PDZD2: variants seen among roughly 807,000 people sequenced by gnomAD.
PDZD2 encodes PDZ domain containing 2.
Under a neutral mutation model 220.7 loss-of-function variants are expected in PDZD2, and 90 were observed. The ratio of observed to expected loss-of-function variants is 0.41; its 90% CI spans 0.34 to 0.49. The LOEUF is 0.49. Among genes scored for constraint, PDZD2 ranks in the 20% least tolerant of loss-of-function variants. The pLI, the probability that PDZD2 is intolerant of heterozygous loss-of-function variation, is 0.28. For missense variants in PDZD2, 3,174 were observed against 3,608.5 expected (o/e 0.88, Z 3.08); for synonymous variants, 1,375 against 1,450.5 (o/e 0.95, Z 1.18).
At chr5:31,711,556 G>A (rs6894170) in intron 1 of PDZD2, among the ~76,000 whole-genome samples, 56,209 of 152,072 alleles carry the variant, frequency 0.37, 10,656 homozygotes, top group African/African-American at 0.47. Context: ...GTGCAGAGAG[G>A]TGGAGGGAGG....
At position 32,108,790 on chromosome 5, in the gene PDZD2, C is replaced by CAA. The variant is rs1335091987; in HGVS notation, c.*657_*658dup. On this transcript the variant is annotated 3_prime_UTR_variant, in exon 25 of 25. Coordinates refer to ENST00000438447, the MANE Select transcript of PDZD2 (RefSeq NM_178140.4). ...GAGTGTAATGTATAATGTACGTATGCAAAGTTCAACTCAATAGGTTATTGA... is the reference window on the plus strand; with the variant it reads ...GAGTGTAATGTATAATGTACGTATGCAAAAAGTTCAACTCAATAGGTTATTGA... 1.3e-5 allele frequency: 2 copies of CAA among 152,604 alleles called. No individual in the cohort carries two copies. The highest frequency in any genetic ancestry group is 4.8e-5 in the African/African-American group (2 of 41,430). 9.5% of individuals were successfully genotyped at this position (152,604 alleles called of 1,614,324 possible). A position where few individuals can be genotyped will look rare whatever the true frequency, so the allele number is the denominator to read the frequency against.
At chr5:31,892,985 G>A (rs756663255) in intron 2 of PDZD2, among the ~76,000 whole-genome samples, 2 of 152,222 alleles carry the variant, frequency 1.3e-5, no homozygotes, top group African/African-American at 4.8e-5. Flanking sequence ...CGTGGGAGGA[G>A]CAATGGAGAG....
At chr5:32,092,477 C>T (rs1205522737) in intron 20 of PDZD2, among the ~76,000 whole-genome samples, 1 of 151,946 alleles carries the variant, frequency 6.6e-6, no homozygotes, top group African/African-American at 2.4e-5. Context: ...GAGGCTGAGG[C>T]ACGAGAATAG....
Position 31,774,239 on chromosome 5 carries a change from C to T in PDZD2, c.-360-24650C>T, listed in dbSNP as rs143874268. On this transcript the variant is annotated intron_variant, in intron 1 of 24. Coordinates refer to ENST00000438447, the MANE Select transcript of PDZD2 (RefSeq NM_178140.4). ...GGTAGGTGGGTAGTTCAGATTTGAGCACCACCCTACACAGAGGGTAAAAAC... is the reference window on the plus strand; with the variant it reads ...GGTAGGTGGGTAGTTCAGATTTGAGTACCACCCTACACAGAGGGTAAAAAC... Among the ~76,000 whole-genome samples the T allele has an allele frequency of 5.5e-3, 837 of 152,098 alleles. 12 individuals carry two copies. The highest frequency in any genetic ancestry group is 0.019 in the African/African-American group (796 of 41,508).
intron 17 of PDZD2, 118 bp from the exon 18 acceptor site, chr5:32,073,714 G>A: frequency 2.8e-6 from 2 of 720,482 alleles, no homozygotes; most frequent in Non-Finnish European, 4.9e-6. Flanking sequence ...GGCTGAGGCT[G>A]TGTGTCTGGT....
At position 32,010,404 on chromosome 5, in the gene PDZD2, G is replaced by A; in HGVS notation, c.1329G>A (p.Val443=). Residue 443 remains valine, a synonymous_variant, in exon 6 of 25, where the codon GTG becomes GTA. Transcript: ENST00000438447. ...ATCTGACCAGCTCGGTAGAAGATGT[G>A]TCCTCCTGGACTGATAACGAAGACC... ...LPDLTSSVED[V]SSWTDNEDQE... is the part of the protein sequence containing the mutation. 1.2e-6 allele frequency: 2 copies of A among 1,612,012 alleles called. No individual in the cohort carries two copies. The highest frequency in any genetic ancestry group is 1.7e-6 in the Non-Finnish European group (2 of 1,178,096).
chr5:31,806,416 C>T (rs1305584143), intron 2 of PDZD2, among the ~76,000 whole-genome samples: 2 of 152,196 alleles, frequency 1.3e-5, no homozygotes, highest in Non-Finnish European at 2.9e-5. Context: ...TTACAGACCC[C>T]GTTCCTGATT....
At position 32,107,976 on chromosome 5, in the gene PDZD2, G is replaced by T; in HGVS notation, c.8361G>T (p.Ala2787=). The T allele has an allele frequency of 6.2e-7, 1 of 1,611,906 alleles. No individual in the cohort carries two copies. The highest frequency in any genetic ancestry group is 2.2e-5 in the East Asian group (1 of 44,854). The change falls in exon 25 of 25, where the codon GCG becomes GCT. Residue 2787 remains alanine, a synonymous_variant. Coordinates refer to ENST00000438447, the MANE Select transcript of PDZD2 (RefSeq NM_178140.4). ...CTGTGTTTATTCTCGTAGGTGGTGC[G>T]GCTGAACAAGCTGGAATAATAGAAG... ...LVIKRVYKGG[A]AEQAGIIEAG...
chr5:31,934,507 T>G (rs960016826), intron 2 of PDZD2, among the ~76,000 whole-genome samples: 1 of 151,944 alleles, frequency 6.6e-6, no homozygotes, highest in Admixed American at 6.6e-5. Flanking sequence ...TGTTTTTGTT[T>G]TCAAGAATGT....
chr5:31,821,040 CT>C (rs1429611999), intron 2 of PDZD2, among the ~76,000 whole-genome samples: 1 of 151,678 alleles, frequency 6.6e-6, no homozygotes. Flanking sequence ...AGATCTTAAT[CT>C]TTTTACCCCA....
intron 8 of PDZD2, 154 bp from the exon 9 acceptor site, chr5:32,052,457 A>G: frequency 1.4e-6 from 1 of 703,886 alleles, no homozygotes; most frequent in South Asian, 1.7e-5. Context: ...CTGCGATAGT[A>G]TTTATAGGAA....
At chr5:31,994,401 G>T (rs1360143783) in intron 3 of PDZD2, among the ~76,000 whole-genome samples, 4 of 152,066 alleles carry the variant, frequency 2.6e-5, no homozygotes, top group Admixed American at 6.6e-5. Flanking sequence ...GTGGCAGTGG[G>T]TATCAAATTC....
intron 10 of PDZD2, among the ~76,000 whole-genome samples, chr5:32,055,511 A>G (rs912861187): frequency 6.7e-6 from 1 of 148,324 alleles, no homozygotes; most frequent in Admixed American, 6.9e-5. Flanking sequence ...CATATTTTAA[A>G]TAGCATTCAC....
intron 1 of PDZD2, among the ~76,000 whole-genome samples, chr5:31,698,059 C>T (rs1477556380): frequency 4.8e-5 from 7 of 145,600 alleles, no homozygotes; most frequent in African/African-American, 7.4e-5. Flanking sequence ...CGTGCCACCG[C>T]ACCCAGCTAA....
chr5:31,649,809 G>A (rs943421076), intron 1 of PDZD2, among the ~76,000 whole-genome samples: 1 of 151,690 alleles, frequency 6.6e-6, no homozygotes, highest in Non-Finnish European at 1.5e-5. Context: ...ATGGTGGCGC[G>A]CGCCTATAGT....
chr5:31,993,881 G>A (rs998646444), intron 3 of PDZD2, among the ~76,000 whole-genome samples: 4 of 152,206 alleles, frequency 2.6e-5, no homozygotes, highest in African/African-American at 9.7e-5. Flanking sequence ...GAAGTCAACA[G>A]TTTTGCAGTG....
At chr5:31,897,190 A>G (rs1741647464) in intron 2 of PDZD2, among the ~76,000 whole-genome samples, 1 of 152,160 alleles carries the variant, frequency 6.6e-6, no homozygotes, top group African/African-American at 2.4e-5. Context: ...TTTTTGAATT[A>G]GCACCTAAAT....
chr5:32,044,828 A>G (rs1213478671), intron 7 of PDZD2, among the ~76,000 whole-genome samples: 1 of 152,236 alleles, frequency 6.6e-6, no homozygotes, highest in Non-Finnish European at 1.5e-5. Flanking sequence ...AGGATAGATC[A>G]GCGAATAGAG....
rs573323334 is a variant in PDZD2, at chr5:32,036,623, C to T, written c.1408-608C>T. ...GATGTGTGGGCTGACCTCATGTCGACGCCTCCAGGGTGCCTGGGGCTGAGC... is the reference window on the plus strand; with the variant it reads ...GATGTGTGGGCTGACCTCATGTCGATGCCTCCAGGGTGCCTGGGGCTGAGC... On this transcript the variant is annotated intron_variant, in intron 6 of 24. Transcript: ENST00000438447. Among the ~76,000 whole-genome samples, 67 of 152,270 alleles carry T rather than the reference C, an allele frequency of 4.4e-4. 1 individual carries two copies. Among genetic ancestry groups the T allele is most frequent in the Admixed American group, 2.5e-3 (38 of 15,306 alleles).
Sources: gnomAD v4.1 joint callset for allele counts (sites outside exome capture counted in the v4.1 genomes callset) on GRCh38, gnomAD v4.1.1 for gene constraint, MANE v1.5 for transcripts, NCBI Gene and HGNC (gene_info 2026-07-23, HGNC 2026-07-21) for gene names.